Variants in RAB5C observed in about 807,000 individuals in gnomAD.
The protein encoded by RAB5C is ras-related protein Rab-5C.
In RAB5C, 4 loss-of-function variants were observed where a neutral mutation model predicts 25.2. That is an observed-to-expected ratio of 0.16 (90% CI 0.08 to 0.36). The LOEUF (loss-of-function observed/expected upper bound fraction) is 0.36. RAB5C is among the 10% of genes least tolerant of loss of function. The pLI, the probability that RAB5C is intolerant of heterozygous loss-of-function variation, is 1.00. For synonymous variants in RAB5C, 100 were observed against 106.4 expected, an observed-to-expected ratio of 0.94 and a Z score of 0.37; for missense variants, 199 against 283.8, an observed-to-expected ratio of 0.70 and a Z score of 2.15.
intron 1 of RAB5C, among the ~76,000 whole-genome samples, chr17:42,136,008 A>C (rs1367728355): frequency 6.6e-6 from 1 of 152,174 alleles, no homozygotes; most frequent in Non-Finnish European, 1.5e-5. Context: ...GGTGCTTCTG[A>C]CCAGTGACTC....
At chr17:42,136,206 C>T (rs2054534950) in intron 1 of RAB5C, 1 of 152,230 alleles carries the variant, frequency 6.6e-6, no homozygotes, top group South Asian at 2.1e-4. Flanking sequence ...TAAAAGCCAA[C>T]TGGAGTCAAG....
chr17:42,141,420 G>A (rs967673036), intron 1 of RAB5C, among the ~76,000 whole-genome samples: 3 of 152,336 alleles, frequency 2.0e-5, no homozygotes, highest in Non-Finnish European at 2.9e-5. Context: ...ATAACAGCAA[G>A]CCTGACCCAT....
intron 1 of RAB5C, among the ~76,000 whole-genome samples, chr17:42,141,588 C>G (rs2144085826): frequency 6.6e-6 from 1 of 152,302 alleles, no homozygotes; most frequent in South Asian, 2.1e-4. Flanking sequence ...GGAGCTGCCT[C>G]ACTTCCCCAG....
At chr17:42,140,648 T>C (rs2079597319) in intron 1 of RAB5C, among the ~76,000 whole-genome samples, 1 of 150,798 alleles carries the variant, frequency 6.6e-6, no homozygotes, top group Non-Finnish European at 1.5e-5. Flanking sequence ...TTCAGCCTCC[T>C]GAGTAGCTGG....
rs1474140273 is a variant in RAB5C, at chr17:42,130,485, G to A, written c.18C>T (p.Gly6=). MAGRG[G]AARPNGPAAG... ...CAGCTGGTCCATTGGGTCGTGCTGC[G>A]CCTCCCCGACCCGCCATTGCCCGTC... Residue 6 remains glycine, a synonymous_variant, in exon 2 of 6, where the codon GGC becomes GGT. Transcript: ENST00000346213. The A allele has an allele frequency of 7.4e-6, 12 of 1,613,728 alleles. No individual in the cohort carries two copies. The highest frequency in any genetic ancestry group is 2.2e-5 in the East Asian group (1 of 44,890).
chr17:42,154,807 T>G, intron 1 of RAB5C, 86 bp downstream of exon 1: 1 of 152,278 alleles, frequency 6.6e-6, no homozygotes, highest in East Asian at 1.9e-4. Flanking sequence ...AGTATCCCCC[T>G]AAACTGGGGC....
intron 1 of RAB5C, among the ~76,000 whole-genome samples, chr17:42,134,337 C>A (rs2054515106): frequency 6.6e-6 from 1 of 152,138 alleles, no homozygotes; most frequent in Non-Finnish European, 1.5e-5. Context: ...GGAATTATAG[C>A]CAAAACTGAC....
In RAB5C at chr17:42,154,793, GGTCA is replaced by G. The variant is rs1456465356; in HGVS notation, c.-89+96_-89+99del. On this transcript the variant is annotated intron_variant, in intron 1 of 5. Transcript: ENST00000346213. Reference sequence around the variant, plus strand: ...AGAGGGGGCTACGGGTCGGGGGAGGGGTCAGTATCCCCCTAAACTGGGGCTGGGC... The same window carrying G: ...AGAGGGGGCTACGGGTCGGGGGAGGGGTATCCCCCTAAACTGGGGCTGGGC... 14 of 152,478 alleles carry G rather than the reference GGTCA, an allele frequency of 9.2e-5. 1 individual carries two copies. The highest frequency in any genetic ancestry group is 9.1e-4 in the Admixed American group (14 of 15,306). The allele number at this position is 152,478 out of a possible 1,614,324, so 9.4% of individuals were successfully genotyped here. A position where few individuals can be genotyped will look rare whatever the true frequency, so the allele number is the denominator to read the frequency against.
intron 1 of RAB5C, among the ~76,000 whole-genome samples, chr17:42,135,577 C>A (rs540979546): frequency 7.2e-4 from 110 of 152,236 alleles, no homozygotes; most frequent in Non-Finnish European, 1.3e-3. Flanking sequence ...CAGAAAGGCA[C>A]CCCCGATCAG....
rs1335368626 is a variant in RAB5C, at chr17:42,126,736, G to A, written c.535+19C>T. ...GCCCTTGCTGTGGTGGAGAGAGGAG[G>A]GGAGGAGAAGCAACTGACCTATTGC... is the stretch of plus-strand genomic sequence containing the variant. On this transcript the variant is annotated intron_variant, in intron 5 of 5. Coordinates refer to ENST00000346213, the MANE Select transcript of RAB5C (RefSeq NM_004583.4). 8.9e-6 allele frequency: 14 copies of A among 1,567,918 alleles called. No homozygotes were observed. The highest frequency in any genetic ancestry group is 1.4e-5 in the African/African-American group (1 of 73,996).
chr17:42,135,420 A>G (rs1199080068), intron 1 of RAB5C, among the ~76,000 whole-genome samples: 1 of 152,090 alleles, frequency 6.6e-6, no homozygotes, highest in East Asian at 1.9e-4. Flanking sequence ...CAGGGCCTTT[A>G]GAAAATACCC....
rs1207683081 is a variant in RAB5C at position 42,125,586 on chromosome 17, A to G, written c.*197T>C. ...AAAGTGACTTAAGACTTAAAATTGAATTAGTATTTGTACAGAAAGGTGCAG... is the reference window on the plus strand; with the variant it reads ...AAAGTGACTTAAGACTTAAAATTGAGTTAGTATTTGTACAGAAAGGTGCAG... On this transcript the variant is annotated 3_prime_UTR_variant, in exon 6 of 6. Coordinates refer to ENST00000346213, the MANE Select transcript of RAB5C (RefSeq NM_004583.4). The G allele has an allele frequency of 1.8e-6, 1 of 544,358 alleles. No homozygotes were observed. The highest frequency in any genetic ancestry group is 3.3e-5 in the Admixed American group (1 of 30,164). 33.7% of individuals were successfully genotyped at this position (544,358 alleles called of 1,614,324 possible). A position where few individuals can be genotyped will look rare whatever the true frequency, so the allele number is the denominator to read the frequency against.
intron 1 of RAB5C, among the ~76,000 whole-genome samples, chr17:42,151,145 TAGA>T (rs1197542872): frequency 6.6e-6 from 1 of 151,900 alleles, no homozygotes; most frequent in Non-Finnish European, 1.5e-5. Context: ...GGGTTAGAAG[TAGA>T]AGGTCTGGCC....
intron 1 of RAB5C, among the ~76,000 whole-genome samples, chr17:42,144,677 C>T: frequency 6.6e-6 from 1 of 151,856 alleles, no homozygotes. Flanking sequence ...GCCTGTAATC[C>T]CAGCACTTTG....
At chr17:42,140,369 C>T (rs1469619190) in intron 1 of RAB5C, among the ~76,000 whole-genome samples, 3 of 151,618 alleles carry the variant, frequency 2.0e-5, no homozygotes, top group Admixed American at 6.6e-5. Context: ...AGACACCACA[C>T]ACACCGTGGT....
chr17:42,147,691 G>A (rs1330944599), intron 1 of RAB5C, among the ~76,000 whole-genome samples: 1 of 152,150 alleles, frequency 6.6e-6, no homozygotes, highest in African/African-American at 2.4e-5. Context: ...AACTTTCTGG[G>A]GGATGGACCA....
intron 1 of RAB5C, among the ~76,000 whole-genome samples, chr17:42,148,833 T>C (rs2079652916): frequency 1.3e-5 from 2 of 152,156 alleles, no homozygotes; most frequent in South Asian, 4.1e-4. Context: ...CTGTATTGAA[T>C]AGCGATAAGA....
At chr17:42,153,843 A>G (rs1031766324) in intron 1 of RAB5C, among the ~76,000 whole-genome samples, 1 of 152,224 alleles carries the variant, frequency 6.6e-6, no homozygotes, top group South Asian at 2.1e-4. Flanking sequence ...TCCTCAGGCT[A>G]CAATTAAAAA....
At chr17:42,126,989 T>C (rs2054433248) in intron 4 of RAB5C, 141 bp from the exon 5 acceptor site, 1 of 518,526 alleles carries the variant, frequency 1.9e-6, no homozygotes, top group Admixed American at 3.2e-5. Context: ...TTTTCAGGCC[T>C]AAGGCTGCCC....
Sources: gnomAD v4.1 joint callset for allele counts (sites outside exome capture counted in the v4.1 genomes callset) on GRCh38, gnomAD v4.1.1 for gene constraint, MANE v1.5 for transcripts, NCBI Gene and HGNC (gene_info 2026-07-23, HGNC 2026-07-21) for gene names.